SF3A2: variants seen among roughly 807,000 people sequenced by gnomAD.
SF3A2 encodes the protein splicing factor 3a subunit 2, also known as SAP 62.
In SF3A2, 5 loss-of-function variants were observed where a neutral mutation model predicts 31.1. The observed-to-expected ratio is 0.16, with a 90% CI of 0.08 to 0.34. The LOEUF is 0.34. Among genes scored for constraint, SF3A2 ranks in the 10% least tolerant of loss-of-function variants. The pLI is 1.00. For synonymous variants in SF3A2, 365 were observed against 263.7 expected (o/e 1.38, Z -3.72); for missense variants, 577 against 643.9 (o/e 0.90, Z 1.13).
In SF3A2 at chr19:2,246,636, G is replaced by A. The variant is rs146720635; in HGVS notation, c.356-117G>A. On this transcript the variant is annotated intron_variant, in intron 5 of 8. Transcript: ENST00000221494. The surrounding 1 kb of genome is among the most constrained non-coding windows in gnomAD (Gnocchi z 5.5). ...CGGAGATTGTCTAATGGTTGCCAGAGCTGCAGGGCCTCCCCCGGGGTCCCG... is the reference window on the plus strand; with the variant it reads ...CGGAGATTGTCTAATGGTTGCCAGAACTGCAGGGCCTCCCCCGGGGTCCCG... 158 of 1,167,746 alleles carry A rather than the reference G, an allele frequency of 1.4e-4. 2 individuals carry two copies. The East Asian group carries it at 3.8e-3, about 28-fold the overall frequency. The allele number at this position is 1,167,746 out of a possible 1,614,324, so 72.3% of individuals were successfully genotyped here.
At chr19:2,247,485 C>G (rs2024949405) in intron 7 of SF3A2, 109 bp from the exon 8 acceptor site, 1 of 1,098,210 alleles carries the variant, frequency 9.1e-7, no homozygotes, top group South Asian at 1.3e-5. Flanking sequence ...TTCTCCTGGG[C>G]TCCCAGGGTA....
At chr19:2,240,568 A>G (rs1292714589) in intron 1 of SF3A2, among the ~76,000 whole-genome samples, 3 of 152,188 alleles carry the variant, frequency 2.0e-5, no homozygotes, top group East Asian at 3.9e-4. Context: ...TTTAGGTTTC[A>G]GTGGGCCAGA....
In SF3A2 at chr19:2,244,812, C is replaced by T. The variant is rs773432508; in HGVS notation, c.245+33C>T. 5.0e-6 allele frequency: 8 copies of T among 1,601,316 alleles called. No individual in the cohort carries two copies. The Admixed American group carries it at 6.7e-5, about 13-fold the overall frequency. ...CCTCATGTCCCTTTGATGCCTGGTG[C>T]TCCAGCAGCCGTTGGCTCAAGTCTC... On this transcript the variant is annotated intron_variant, in intron 4 of 8. Coordinates refer to ENST00000221494, the MANE Select transcript of SF3A2 (RefSeq NM_007165.5).
At chr19:2,247,213 G>C in intron 7 of SF3A2, 191 bp downstream of exon 7, 2 of 58,750 alleles carry the variant, frequency 3.4e-5, no homozygotes, top group Non-Finnish European at 6.7e-5. Context: ...GCCTGCTTGG[G>C]CTCCACTGGG....
intron 2 of SF3A2, 27 bp downstream of exon 2, chr19:2,243,571 G>A: frequency 6.5e-7 from 1 of 1,532,534 alleles, no homozygotes; most frequent in Non-Finnish European, 8.7e-7. Context: ...GCAGCTGCCT[G>A]TGGTGGGTGC....
chr19:2,247,489 C>T lies in SF3A2; in HGVS notation c.547-105C>T, dbSNP rs2024949460. The T allele has an allele frequency of 2.0e-5, 24 of 1,171,014 alleles. No individual in the cohort carries two copies. The South Asian group carries it at 3.0e-4, about 14-fold the overall frequency. The allele number at this position is 1,171,014 out of a possible 1,614,324, so 72.5% of individuals were successfully genotyped here. ...TCTTACCAGCCTTCTCCTGGGCTCC[C>T]AGGGTAGAGTCCGGGCTGGGGAGGC... On this transcript the variant is annotated intron_variant, in intron 7 of 8. Coordinates refer to ENST00000221494, the MANE Select transcript of SF3A2 (RefSeq NM_007165.5).
At position 2,246,579 on chromosome 19, in the gene SF3A2, C is replaced by T. The variant is rs566887277; in HGVS notation, c.356-174C>T. On this transcript the variant is annotated intron_variant, in intron 5 of 8. Coordinates refer to ENST00000221494, the MANE Select transcript of SF3A2 (RefSeq NM_007165.5). The surrounding 1 kb of genome is among the most constrained non-coding windows in gnomAD (Gnocchi z 5.5). ...GTAGCTCAGCTCTGGCGCACCTGTGCCTTCACCTATACCAGAATCCCAGAG... is the reference window on the plus strand; with the variant it reads ...GTAGCTCAGCTCTGGCGCACCTGTGTCTTCACCTATACCAGAATCCCAGAG... Among the ~76,000 whole-genome samples, 4 of 152,162 alleles carry T rather than the reference C, an allele frequency of 2.6e-5. No homozygotes were observed. The highest frequency in any genetic ancestry group is 9.7e-5 in the African/African-American group (4 of 41,434).
In SF3A2 at chr19:2,245,144, AC is replaced by A; in HGVS notation, c.246-301del. On this transcript the variant is annotated intron_variant, in intron 4 of 8. Transcript: ENST00000221494. The surrounding 1 kb of genome is among the most constrained non-coding windows in gnomAD (Gnocchi z 4.2). ...GATTGCAGTGAACCAAGGTGCTGCC[AC>A]TGTACTCCATCCTGGGCGACAGAGT... 1 of 500,218 alleles carries A rather than the reference AC, an allele frequency of 2.0e-6. No individual in the cohort carries two copies. The highest frequency in any genetic ancestry group is 3.0e-5 in the South Asian group (1 of 33,848). 31.0% of individuals were successfully genotyped at this position (500,218 alleles called of 1,614,324 possible). A position where few individuals can be genotyped will look rare whatever the true frequency, so the allele number is the denominator to read the frequency against.
chr19:2,238,881 C>G (rs965899523), intron 1 of SF3A2, among the ~76,000 whole-genome samples: 2 of 152,172 alleles, frequency 1.3e-5, no homozygotes, highest in South Asian at 2.1e-4. Flanking sequence ...TCCTTGCTCC[C>G]CTGTGCTGAC....
rs750906872 is a variant in SF3A2, at chr19:2,248,458, ACCC to A, written c.1311_1313del (p.Pro438del). 3.4e-6 allele frequency: 4 copies of A among 1,187,768 alleles called. No homozygotes were observed. Among genetic ancestry groups the A allele is most frequent in the South Asian group, 4.7e-5 (2 of 42,284 alleles). 73.6% of individuals were successfully genotyped at this position (1,187,768 alleles called of 1,614,324 possible). A position where few individuals can be genotyped will look rare whatever the true frequency, so the allele number is the denominator to read the frequency against. On this transcript the variant is annotated inframe_deletion, in exon 9 of 9. Coordinates refer to ENST00000221494, the MANE Select transcript of SF3A2 (RefSeq NM_007165.5). ...GTTCACCCCTCAAATCCTGGGGTGC[ACCC>A]CCCAACTCCCATGCCCCCAATGCTG...
At position 2,245,835 on chromosome 19, in the gene SF3A2, T is replaced by G; in HGVS notation, c.355+280T>G. ...TCTTGTGGAAGCTTCTGGGAATTCT[T>G]GCCAAGCAAAAGAGTGGAAGTGGAG... On this transcript the variant is annotated intron_variant, in intron 5 of 8. Coordinates refer to ENST00000221494, the MANE Select transcript of SF3A2 (RefSeq NM_007165.5). The surrounding 1 kb of genome is among the most constrained non-coding windows in gnomAD (Gnocchi z 4.2). 2.1e-6 allele frequency: 1 copy of G among 477,130 alleles called. No homozygotes were observed. Among genetic ancestry groups the G allele is most frequent in the East Asian group, 3.8e-5 (1 of 26,318 alleles). The allele number at this position is 477,130 out of a possible 1,614,324, so 29.6% of individuals were successfully genotyped here.
At position 2,248,140 on chromosome 19, in the gene SF3A2, A is replaced by T; in HGVS notation, c.989A>T (p.His330Leu). 1 of 1,376,498 alleles carries T rather than the reference A, an allele frequency of 7.3e-7. No individual in the cohort carries two copies. The allele number at this position is 1,376,498 out of a possible 1,614,324, so 85.3% of individuals were successfully genotyped here. A position where few individuals can be genotyped will look rare whatever the true frequency, so the allele number is the denominator to read the frequency against. ...GTCCACCCACCAACCTCTGGGGTCC[A>T]CCCCCCAGCTCCTGGAGTCCACCCT... ...PGVHPPTSGV[H>L]PPAPGVHPPA... The change falls in exon 9 of 9, where the codon CAC (histidine) becomes CTC (leucine). Residue 330 changes from histidine to leucine, a missense_variant. Physicochemically the swap from His to Leu is moderately conservative, Grantham distance 99. Around this residue, in one of 6 missense-constraint regions of SF3A2, gnomAD observed 462 missense variants for 339.1 expected, o/e 1.36. Transcript: ENST00000221494.
At chr19:2,247,327 G>A (rs144018315) in intron 7 of SF3A2, 44 of 562,904 alleles carry the variant, frequency 7.8e-5, no homozygotes, top group Middle Eastern at 4.7e-4. Flanking sequence ...CCTACAGCCT[G>A]TCCCCATGCC....
chr19:2,247,024 T>G lies in SF3A2; in HGVS notation c.546+2T>G, dbSNP rs747026702. 7.7e-7 allele frequency: 1 copy of G among 1,291,598 alleles called. No individual in the cohort carries two copies. Among genetic ancestry groups the G allele is most frequent in the Non-Finnish European group, 1.0e-6 (1 of 999,048 alleles). 80.0% of individuals were successfully genotyped at this position (1,291,598 alleles called of 1,614,324 possible). ...CCCTACGAGACCATTGCCTTCAAGG[T>G]AGCGTGGCTGCGGGGTTCCCTGGGC... On this transcript the variant is annotated splice_donor_variant, in intron 7 of 8. Transcript: ENST00000221494. LOFTEE classifies it high-confidence loss of function.
At position 2,248,535 on chromosome 19, in the gene SF3A2, C is replaced by G. The variant is rs748672781; in HGVS notation, c.1384C>G (p.Pro462Ala). The change falls in exon 9 of 9, where the codon CCA becomes GCA. Residue 462 changes from proline to alanine, a missense_variant. Physicochemically the swap from Pro to Ala is conservative, Grantham distance 27 (BLOSUM62 -1). Around this residue, in one of 6 missense-constraint regions of SF3A2, gnomAD observed 462 missense variants for 339.1 expected, o/e 1.36. Coordinates refer to ENST00000221494, the MANE Select transcript of SF3A2 (RefSeq NM_007165.5). ...CCCAGGGAACATACCTCCCCCTCCC[C>G]CAACCAACTGAGAAGCTGCTCCCTC... ...EGPGNIPPPPPTN is the reference protein window; with the variant it reads ...EGPGNIPPPPATN 2 of 1,120,838 alleles carry G rather than the reference C, an allele frequency of 1.8e-6. No individual in the cohort carries two copies. Among genetic ancestry groups the G allele is most frequent in the Non-Finnish European group, 2.3e-6 (2 of 851,152 alleles). The allele number at this position is 1,120,838 out of a possible 1,614,324, so 69.4% of individuals were successfully genotyped here. A position where few individuals can be genotyped will look rare whatever the true frequency, so the allele number is the denominator to read the frequency against.
Position 2,247,804 on chromosome 19 carries a change from C to T in SF3A2, c.653C>T (p.Pro218Leu), listed in dbSNP as rs200147511. The change falls in exon 9 of 9, where the codon CCG becomes CTG. Residue 218 changes from proline to leucine, a missense_variant. Pro to Leu is a moderately conservative substitution (Grantham distance 98). This residue lies in a region of SF3A2 where 462 missense variants were observed against 339.1 expected (regional missense o/e 1.36). Coordinates refer to ENST00000221494, the MANE Select transcript of SF3A2 (RefSeq NM_007165.5). The part of the protein sequence containing the change: ...LQFHFKMEKP[P>L]APPSLPAGPP... Reference sequence around the variant, plus strand: ...TTCCACTTTAAGATGGAGAAGCCCCCGGCTCCACCCAGCCTCCCTGCTGGC... The same window carrying T: ...TTCCACTTTAAGATGGAGAAGCCCCTGGCTCCACCCAGCCTCCCTGCTGGC... 7.8e-5 allele frequency: 125 copies of T among 1,609,672 alleles called. No homozygotes were observed. In the Admixed American group the frequency reaches 1.8e-3, roughly 23 times the overall value.
At chr19:2,237,714 T>C (rs1456553774) in intron 1 of SF3A2, 2 of 152,180 alleles carry the variant, frequency 1.3e-5, no homozygotes, top group Non-Finnish European at 2.9e-5. Flanking sequence ...TGACTGGGGC[T>C]CTGTGATGTA....
chr19:2,248,084 A>G lies in SF3A2; in HGVS notation c.933A>G (p.Pro311=). 1.2e-6 allele frequency: 1 copy of G among 844,850 alleles called. No homozygotes were observed. The highest frequency in any genetic ancestry group is 1.5e-5 in the South Asian group (1 of 66,410). The allele number at this position is 844,850 out of a possible 1,614,324, so 52.3% of individuals were successfully genotyped here. The part of the protein sequence containing the change: ...VHPPAPGVHP[P]APGVHPPAPG... ...CCCCAGCTCCTGGCGTCCACCCCCC[A>G]GCTCCTGGCGTCCATCCCCCAGCCC... is the stretch of plus-strand genomic sequence containing the variant. Residue 311 remains proline, a synonymous_variant, in exon 9 of 9, where the codon CCA becomes CCG. Coordinates refer to ENST00000221494, the MANE Select transcript of SF3A2 (RefSeq NM_007165.5).
At chr19:2,240,806 T>G (rs1476822487) in intron 1 of SF3A2, among the ~76,000 whole-genome samples, 1 of 152,250 alleles carries the variant, frequency 6.6e-6, no homozygotes, top group Non-Finnish European at 1.5e-5. Flanking sequence ...CGGAAATAAG[T>G]GCATCAAGAT....
Sources: gnomAD v4.1 joint callset for allele counts (sites outside exome capture counted in the v4.1 genomes callset) on GRCh38, gnomAD v4.1.1 for gene constraint, gnomAD v4.1.1 regional missense constraint, Gnocchi (gnomAD v3.1) non-coding constraint, MANE v1.5 for transcripts, NCBI Gene and HGNC (gene_info 2026-07-23, HGNC 2026-07-21) for gene names.